Variants in INPP4B observed in about 807,000 individuals in gnomAD.
INPP4B encodes the protein inositol polyphosphate-4-phosphatase type II B.
In INPP4B, 55 loss-of-function variants were observed where a neutral mutation model predicts 122.5. The observed-to-expected ratio is 0.45, with a 90% CI of 0.36 to 0.56. INPP4B has a LOEUF of 0.56. Ranked by LOEUF, INPP4B falls within the 20% of genes least tolerant of loss-of-function variation. INPP4B has a pLI of 0.00. For missense variants in INPP4B, 1,000 were observed against 1,097.7 expected (o/e 0.91, Z 1.26); for synonymous variants, 403 against 388.7 (o/e 1.04, Z -0.43).
chr4:142,521,730 T>C (rs901176857), intron 2 of INPP4B, among the ~76,000 whole-genome samples: 1 of 152,146 alleles, frequency 6.6e-6, no homozygotes, highest in Admixed American at 6.6e-5. Context: ...TTACAAATAA[T>C]ACATAAGATT....
chr4:142,125,157 G>A (rs1160781132), intron 18 of INPP4B, among the ~76,000 whole-genome samples: 2 of 151,914 alleles, frequency 1.3e-5, no homozygotes, highest in Admixed American at 6.6e-5. Flanking sequence ...ACTCTTAACA[G>A]TCCATCAATA....
intron 2 of INPP4B, among the ~76,000 whole-genome samples, chr4:142,554,758 A>G (rs537081973): frequency 6.6e-6 from 1 of 152,342 alleles, no homozygotes; most frequent in South Asian, 2.1e-4. Context: ...AAAGAGTGTT[A>G]TTTGTTAGAA....
At chr4:142,548,300 G>A (rs1044454435) in intron 2 of INPP4B, among the ~76,000 whole-genome samples, 2 of 152,128 alleles carry the variant, frequency 1.3e-5, no homozygotes, top group African/African-American at 4.8e-5. Context: ...GTAGTGACCT[G>A]AGAGTTTTAA....
chr4:142,551,615 GTTTA>G (rs1279955049), intron 2 of INPP4B, among the ~76,000 whole-genome samples: 1 of 152,144 alleles, frequency 6.6e-6, no homozygotes, highest in Non-Finnish European at 1.5e-5. Context: ...GAGTGTTTCT[GTTTA>G]TTTGTTTTTC....
chr4:142,368,308 T>TA (rs950444236), intron 7 of INPP4B, among the ~76,000 whole-genome samples: 9 of 152,074 alleles, frequency 5.9e-5, no homozygotes, highest in Non-Finnish European at 1.0e-4. Flanking sequence ...TGTATTTTTT[T>TA]AAAAAAATAG....
chr4:142,746,414 G>C (rs562930871), intron 1 of INPP4B, among the ~76,000 whole-genome samples: 2 of 152,016 alleles, frequency 1.3e-5, no homozygotes, highest in Non-Finnish European at 2.9e-5. Context: ...TCATGGATGG[G>C]AACAATCAAT....
chr4:142,839,290 T>C (rs927425453), intron 1 of INPP4B, among the ~76,000 whole-genome samples: 4 of 152,220 alleles, frequency 2.6e-5, no homozygotes, highest in East Asian at 3.9e-4. Flanking sequence ...AAACCTCATC[T>C]CTACTAAAAA....
At chr4:142,254,383 G>C (rs1392252631) in intron 11 of INPP4B, among the ~76,000 whole-genome samples, 2 of 139,868 alleles carry the variant, frequency 1.4e-5, no homozygotes, top group South Asian at 5.3e-4. Flanking sequence ...AGAGAAGAAG[G>C]CTTCAGATGA....
In INPP4B at chr4:142,321,862, G is replaced by C. The variant is rs190785092; in HGVS notation, c.373-7100C>G. Reference sequence around the variant, plus strand: ...TAGCCTTATAGTATAGTTTGAAGTTGGGTAATGTAATGCCTCCAGATTTGT... The same window carrying C: ...TAGCCTTATAGTATAGTTTGAAGTTCGGTAATGTAATGCCTCCAGATTTGT... On this transcript the variant is annotated intron_variant, in intron 7 of 25. Coordinates refer to ENST00000262992, the MANE Select transcript of INPP4B (RefSeq NM_001101669.3). Among the ~76,000 whole-genome samples the C allele has an allele frequency of 1.6e-4, 25 of 152,070 alleles. No individual in the cohort carries two copies. The East Asian group carries it at 4.8e-3, about 29-fold the overall frequency.
chr4:142,785,834 C>A (rs2151045425), intron 1 of INPP4B, among the ~76,000 whole-genome samples: 1 of 151,630 alleles, frequency 6.6e-6, no homozygotes, highest in South Asian at 2.1e-4. Flanking sequence ...GAACACCAAG[C>A]AGGATAAATC....
At chr4:142,440,729 T>C (rs1811524392) in intron 3 of INPP4B, among the ~76,000 whole-genome samples, 1 of 147,738 alleles carries the variant, frequency 6.8e-6, no homozygotes, top group African/African-American at 2.4e-5. Context: ...CTCCTTCTTT[T>C]TTAAAATAAA....
chr4:142,355,861 CCT>C (rs1491588006), intron 7 of INPP4B, among the ~76,000 whole-genome samples: 2 of 133,098 alleles, frequency 1.5e-5, no homozygotes, highest in East Asian at 4.2e-4. Flanking sequence ...TGGAGAGAAG[CCT>C]TTTTTTTTTT....
chr4:142,069,697 T>C (rs929143255), intron 25 of INPP4B, among the ~76,000 whole-genome samples: 2 of 152,164 alleles, frequency 1.3e-5, no homozygotes, highest in Non-Finnish European at 2.9e-5. Context: ...CAGAGAATAC[T>C]ATAAACACCT....
chr4:142,206,265 G>C (rs1202697804), intron 14 of INPP4B, among the ~76,000 whole-genome samples: 3 of 151,796 alleles, frequency 2.0e-5, no homozygotes, highest in Admixed American at 6.6e-5. Flanking sequence ...GTTGCACTGG[G>C]GATTAAGTTT....
chr4:142,223,237 A>G (rs1306144821), intron 12 of INPP4B, among the ~76,000 whole-genome samples: 2 of 152,064 alleles, frequency 1.3e-5, no homozygotes, highest in African/African-American at 2.4e-5. Context: ...CTATAGTCAT[A>G]AGTGCTAGAC....
chr4:142,656,099 T>C (rs1308616526), intron 2 of INPP4B, among the ~76,000 whole-genome samples: 1 of 152,126 alleles, frequency 6.6e-6, no homozygotes, highest in Non-Finnish European at 1.5e-5. Context: ...CCTCAAGAAC[T>C]TCACACCATT....
At chr4:142,381,610 C>T (rs1794118492) in intron 7 of INPP4B, among the ~76,000 whole-genome samples, 1 of 152,090 alleles carries the variant, frequency 6.6e-6, no homozygotes, top group African/African-American at 2.4e-5. Flanking sequence ...AGAAAACTTT[C>T]CCTACTCCTT....
intron 2 of INPP4B, among the ~76,000 whole-genome samples, chr4:142,468,621 T>G (rs549505251): frequency 1.3e-5 from 2 of 152,186 alleles, no homozygotes; most frequent in South Asian, 4.2e-4. Context: ...AGCTGATTCT[T>G]AAAAAGAACC....
At position 142,026,820 on chromosome 4, in the gene INPP4B, AGTTT is replaced by A. The variant is rs1737158186; in HGVS notation, c.*1958_*1961del. 2 of 152,208 alleles carry A rather than the reference AGTTT, an allele frequency of 1.3e-5. No homozygotes were observed. The highest frequency in any genetic ancestry group is 1.3e-4 in the Admixed American group (2 of 15,268). 9.4% of individuals were successfully genotyped at this position (152,208 alleles called of 1,614,324 possible). ...AGTTAATATTTTTCCATATTTAAGT[AGTTT>A]GTTTTCAAAAATACAAATAAAAATT... On this transcript the variant is annotated 3_prime_UTR_variant, in exon 26 of 26. Transcript: ENST00000262992.
Sources: allele counts gnomAD v4.1 joint callset (sites outside exome capture counted in the v4.1 genomes callset), GRCh38; gene constraint gnomAD v4.1.1; transcripts MANE v1.5; gene names NCBI Gene and HGNC (gene_info 2026-07-23, HGNC 2026-07-21).